Variants in CSTA observed in about 807,000 individuals in gnomAD.
CSTA encodes cystatin-A.
A neutral mutation model predicts 9.2 loss-of-function variants in CSTA; 9 were observed. That is an observed-to-expected ratio of 0.97 (90% confidence interval 0.59 to 1.70). The LOEUF is 1.70. Among genes scored for constraint, CSTA ranks in the 40% most tolerant of loss-of-function variants. The probability of loss-of-function intolerance (pLI) is 0.00; values close to 1 mark genes in which losing one functional copy is unlikely to be tolerated. For missense variants in CSTA, 118 were observed against 113.1 expected (o/e 1.04, Z -0.20); for synonymous variants, 36 against 40.6 (o/e 0.89, Z 0.43).
chr3:122,332,421 T>C (rs1466182705), intron 1 of CSTA, among the ~76,000 whole-genome samples: 2 of 152,162 alleles, frequency 1.3e-5, no homozygotes, highest in Non-Finnish European at 2.9e-5. Context: ...AAACTCTCCT[T>C]CCTTACTCTC....
intron 2 of CSTA, among the ~76,000 whole-genome samples, chr3:122,340,665 G>A (rs1049713344): frequency 2.6e-5 from 4 of 152,114 alleles, no homozygotes; most frequent in African/African-American, 9.7e-5. Context: ...CCTACCAGTG[G>A]GTGTTTATAA....
intron 2 of CSTA, chr3:122,338,021 C>A: frequency 5.3e-6 from 1 of 188,706 alleles, no homozygotes; most frequent in East Asian, 1.5e-4. Flanking sequence ...GATTCTACCT[C>A]AAAGCTGTAT....
chr3:122,341,614 C>A lies in CSTA; in HGVS notation c.*47C>A. 1 of 1,610,280 alleles carries A rather than the reference C, an allele frequency of 6.2e-7. No homozygotes were observed. The highest frequency in any genetic ancestry group is 1.1e-5 in the South Asian group (1 of 90,820). The stretch of plus-strand genomic sequence containing the variant: ...TGATTCCTTCAACTGGCTACTGAGT[C>A]ATGATCCTTGCTGATAAATATAACC... On this transcript the variant is annotated 3_prime_UTR_variant, in exon 3 of 3. Transcript: ENST00000264474.
At chr3:122,327,706 C>T (rs897322711) in intron 1 of CSTA, among the ~76,000 whole-genome samples, 6 of 147,952 alleles carry the variant, frequency 4.1e-5, no homozygotes, top group Admixed American at 1.4e-4. Context: ...TGAGGTATCA[C>T]AATTGTTTAC....
chr3:122,339,003 G>C (rs372447631), intron 2 of CSTA, among the ~76,000 whole-genome samples: 3 of 151,854 alleles, frequency 2.0e-5, no homozygotes, highest in Admixed American at 2.0e-4. Flanking sequence ...CTCAGCCACC[G>C]ATCCCAGTTC....
At chr3:122,335,209 A>C (rs2075229706) in intron 1 of CSTA, among the ~76,000 whole-genome samples, 1 of 152,184 alleles carries the variant, frequency 6.6e-6, no homozygotes, top group Non-Finnish European at 1.5e-5. Flanking sequence ...CCCAACCCAT[A>C]TCCCTCCATG....
rs200394711 is a variant in CSTA, at chr3:122,341,550, G to C, written c.280G>C (p.Glu94Gln). 3 of 1,614,118 alleles carry C rather than the reference G, an allele frequency of 1.9e-6. No individual in the cohort carries two copies. Among genetic ancestry groups the C allele is most frequent in the South Asian group, 2.2e-5 (2 of 91,078 alleles). The change falls in exon 3 of 3, where the codon GAG (glutamate) becomes CAG (glutamine). Residue 94 changes from glutamate (E) to glutamine (Q), a missense_variant. By Grantham distance (29) the Glu-to-Gln change is conservative. Coordinates refer to ENST00000264474, the MANE Select transcript of CSTA (RefSeq NM_005213.4). ...CCAGGTTGACAAAAACAAGGATGAC[G>C]AGCTGACGGGCTTTTAGCAGCATGT... ...GYQVDKNKDD[E>Q]LTGF
At chr3:122,327,825 G>A (rs1176423669) in intron 1 of CSTA, among the ~76,000 whole-genome samples, 1 of 152,138 alleles carries the variant, frequency 6.6e-6, no homozygotes, top group Non-Finnish European at 1.5e-5. Flanking sequence ...AATAGAGACA[G>A]TACAGAAAAT....
chr3:122,337,926 G>A (rs893681932), intron 2 of CSTA: 2 of 396,714 alleles, frequency 5.0e-6, no homozygotes, highest in Non-Finnish European at 9.5e-6. Context: ...TGGATTTGTG[G>A]CTGTGCTGCT....
At chr3:122,336,247 G>A (rs1223079507) in intron 1 of CSTA, among the ~76,000 whole-genome samples, 1 of 152,134 alleles carries the variant, frequency 6.6e-6, no homozygotes, top group Non-Finnish European at 1.5e-5. Context: ...GTTGATTCCA[G>A]TGAGGAGGCA....
chr3:122,326,540 A>G (rs939140274), intron 1 of CSTA, among the ~76,000 whole-genome samples: 2 of 152,236 alleles, frequency 1.3e-5, no homozygotes, highest in African/African-American at 4.8e-5. Context: ...TTGTGTGATT[A>G]TAAGAGTTGG....
rs10575257 is a variant in CSTA, at chr3:122,331,104, AACACACAC to A, written c.66+5779_66+5786del. ...ACATGCAATGTGCATGCACACAACA[AACACACAC>A]ACACACACACACACACACACACACA... On this transcript the variant is annotated intron_variant, in intron 1 of 2. Transcript: ENST00000264474. Among the ~76,000 whole-genome samples, 232 of 141,140 alleles carry A rather than the reference AACACACAC, an allele frequency of 1.6e-3. 3 individuals are homozygous for A. Among genetic ancestry groups the A allele is most frequent in the East Asian group, 0.015 (74 of 4,998 alleles). 92.6% of individuals were successfully genotyped at this position (141,140 alleles called of 152,430 possible). A position where few individuals can be genotyped will look rare whatever the true frequency, so the allele number is the denominator to read the frequency against.
chr3:122,334,691 A>G (rs878890709), intron 1 of CSTA, among the ~76,000 whole-genome samples: 2 of 152,340 alleles, frequency 1.3e-5, no homozygotes, highest in South Asian at 4.1e-4. Context: ...TTGGGGTTGA[A>G]GGACAAATCC....
At chr3:122,330,468 G>A (rs1394517064) in intron 1 of CSTA, among the ~76,000 whole-genome samples, 4 of 152,206 alleles carry the variant, frequency 2.6e-5, no homozygotes, top group Non-Finnish European at 5.9e-5. Context: ...AGTGAAAGAG[G>A]AATATTGGAT....
At chr3:122,338,237 A>T (rs2075246603) in intron 2 of CSTA, 1 of 152,406 alleles carries the variant, frequency 6.6e-6, no homozygotes, top group Non-Finnish European at 1.5e-5. Context: ...TAGCTCTGTC[A>T]AAAAATTACA....
intron 1 of CSTA, among the ~76,000 whole-genome samples, chr3:122,329,247 T>A (rs1183609438): frequency 4.0e-5 from 6 of 151,730 alleles, no homozygotes; most frequent in African/African-American, 1.5e-4. Flanking sequence ...ATTACAGGCG[T>A]GAGCCACCGC....
chr3:122,327,950 T>A (rs918818786), intron 1 of CSTA, among the ~76,000 whole-genome samples: 1 of 152,226 alleles, frequency 6.6e-6, no homozygotes, highest in Non-Finnish European at 1.5e-5. Flanking sequence ...GAGCCCCATC[T>A]TAAATTATAA....
intron 1 of CSTA, among the ~76,000 whole-genome samples, chr3:122,332,407 A>G (rs1322878827): frequency 3.9e-5 from 6 of 152,122 alleles, no homozygotes; most frequent in Non-Finnish European, 8.8e-5. Flanking sequence ...TCATGTTACT[A>G]TTCAAACTCT....
intron 1 of CSTA, among the ~76,000 whole-genome samples, chr3:122,329,493 G>A (rs981718635): frequency 4.6e-5 from 7 of 152,108 alleles, no homozygotes; most frequent in African/African-American, 1.7e-4. Context: ...TTGCACTCAG[G>A]AAGTTGAGGA....
Sources: allele counts gnomAD v4.1 joint callset (sites outside exome capture counted in the v4.1 genomes callset), GRCh38; gene constraint gnomAD v4.1.1; transcripts MANE v1.5; gene names NCBI Gene and HGNC (gene_info 2026-07-23, HGNC 2026-07-21).